Variants in ZFAND3 observed in about 807,000 individuals in gnomAD.
ZFAND3 encodes zinc finger AN1-type containing 3.
ZFAND3 carries 10 observed loss-of-function variants against 29.6 expected under a neutral mutation model. The ratio of observed to expected loss-of-function variants is 0.34; its 90% CI spans 0.21 to 0.57. The LOEUF is 0.57. ZFAND3 is among the 20% of genes least tolerant of loss of function. The pLI, the probability that ZFAND3 is intolerant of heterozygous loss-of-function variation, is 0.86. For synonymous variants in ZFAND3, 128 were observed against 112.6 expected (o/e 1.14, Z -0.87); for missense variants, 230 against 304.5 (o/e 0.76, Z 1.82).
chr6:37,887,306 A>T lies in ZFAND3; in HGVS notation c.72-42653A>T, dbSNP rs1032551064. 4.6e-5 allele frequency among the ~76,000 whole-genome samples: 7 copies of T among 152,338 alleles called. No homozygotes were observed. In the East Asian group the frequency reaches 1.3e-3, roughly 29 times the overall value. ...AAGAAATGCATTTATTGTTCTTGGC[A>T]TATGTAAGAATTTGTATTAAATATG... On this transcript the variant is annotated intron_variant, in intron 1 of 5. Transcript: ENST00000287218.
intron 1 of ZFAND3, among the ~76,000 whole-genome samples, chr6:37,869,423 G>A (rs1764650533): frequency 6.6e-6 from 1 of 152,058 alleles, no homozygotes; most frequent in Admixed American, 6.5e-5. Context: ...CCCCCAAAGT[G>A]CTGGGATTAC....
At chr6:37,895,964 T>A (rs368039067) in intron 1 of ZFAND3, among the ~76,000 whole-genome samples, 1 of 152,214 alleles carries the variant, frequency 6.6e-6, no homozygotes, top group East Asian at 1.9e-4. Context: ...TTCTTACTGA[T>A]GGGAACACGC....
intron 1 of ZFAND3, among the ~76,000 whole-genome samples, chr6:37,869,509 G>A (rs1764652178): frequency 6.6e-6 from 1 of 150,442 alleles, no homozygotes; most frequent in East Asian, 1.9e-4. Context: ...TATCAAGTTT[G>A]TTAATTTTTT....
chr6:38,104,123 C>G (rs748444461), intron 4 of ZFAND3, among the ~76,000 whole-genome samples: 4 of 152,188 alleles, frequency 2.6e-5, no homozygotes, highest in Non-Finnish European at 4.4e-5. Flanking sequence ...GCTAGCCTGA[C>G]AGGTTCCACT....
intron 2 of ZFAND3, among the ~76,000 whole-genome samples, chr6:37,973,216 A>G (rs1050918121): frequency 3.3e-5 from 5 of 152,204 alleles, no homozygotes; most frequent in African/African-American, 1.2e-4. Flanking sequence ...CTTTGCAAGT[A>G]GTTAAATACA....
At chr6:37,866,804 T>G (rs1025597858) in intron 1 of ZFAND3, among the ~76,000 whole-genome samples, 51 of 152,330 alleles carry the variant, frequency 3.3e-4, no homozygotes, top group African/African-American at 1.0e-3. Flanking sequence ...CAGTGAGAGA[T>G]AGCTCTGTGG....
At chr6:37,824,777 T>C (rs1361238330) in intron 1 of ZFAND3, among the ~76,000 whole-genome samples, 3 of 152,190 alleles carry the variant, frequency 2.0e-5, no homozygotes, top group South Asian at 2.1e-4. Flanking sequence ...TTTAGGGAAA[T>C]AGATTTTGTT....
intron 2 of ZFAND3, among the ~76,000 whole-genome samples, chr6:38,027,251 C>T (rs1763468803): frequency 6.6e-6 from 1 of 152,208 alleles, no homozygotes; most frequent in Non-Finnish European, 1.5e-5. Context: ...AAATATTTCT[C>T]CCAAATATGA....
At chr6:37,953,166 T>A (rs1762027072) in intron 2 of ZFAND3, among the ~76,000 whole-genome samples, 1 of 152,082 alleles carries the variant, frequency 6.6e-6, no homozygotes, top group South Asian at 2.1e-4. Flanking sequence ...TCATTTTGGT[T>A]TTAGTTTTCT....
chr6:37,950,241 A>G (rs1452312818), intron 2 of ZFAND3, among the ~76,000 whole-genome samples: 1 of 131,192 alleles, frequency 7.6e-6, no homozygotes, highest in Non-Finnish European at 1.8e-5. Context: ...TAGGTTTTAC[A>G]TTTAAGTCTT....
chr6:37,934,115 T>G (rs1333107150), intron 2 of ZFAND3, among the ~76,000 whole-genome samples: 3 of 151,966 alleles, frequency 2.0e-5, no homozygotes, highest in Non-Finnish European at 4.4e-5. Context: ...CTTGAACTCC[T>G]GAGCTCAGGT....
chr6:37,949,246 T>C (rs911846877), intron 2 of ZFAND3, among the ~76,000 whole-genome samples: 2 of 152,216 alleles, frequency 1.3e-5, no homozygotes, highest in African/African-American at 4.8e-5. Context: ...GTTGGCCACA[T>C]ATTTGTCTTT....
intron 2 of ZFAND3, among the ~76,000 whole-genome samples, chr6:37,970,439 A>G (rs1164505569): frequency 6.6e-6 from 1 of 152,184 alleles, no homozygotes; most frequent in Non-Finnish European, 1.5e-5. Context: ...AGGCCAGAGG[A>G]GCCCATTCTA....
At chr6:38,033,380 G>A (rs908870740) in intron 2 of ZFAND3, among the ~76,000 whole-genome samples, 1 of 152,066 alleles carries the variant, frequency 6.6e-6, no homozygotes, top group African/African-American at 2.4e-5. Context: ...AAGTTGAAAT[G>A]TTTCTCTAGC....
intron 3 of ZFAND3, among the ~76,000 whole-genome samples, chr6:38,076,614 T>C (rs1162778129): frequency 1.3e-5 from 2 of 152,234 alleles, no homozygotes; most frequent in African/African-American, 4.8e-5. Flanking sequence ...CTCTGGGAGA[T>C]TAACACTTAG....
rs114141956 is a variant in ZFAND3, at chr6:38,076,095, C to A, written c.296-6297C>A. Among the ~76,000 whole-genome samples, 1,101 of 152,136 alleles carry A rather than the reference C, an allele frequency of 7.2e-3. 7 individuals carry two copies. Among genetic ancestry groups the A allele is most frequent in the Middle Eastern group, 0.017 (5 of 294 alleles). On this transcript the variant is annotated intron_variant, in intron 3 of 5. Coordinates refer to ENST00000287218, the MANE Select transcript of ZFAND3 (RefSeq NM_021943.3). ...AAATTGCTGCACCTACCCCATTTTTCAGCAGCTACCACCCCCTGATCAGTT... is the reference window on the plus strand; with the variant it reads ...AAATTGCTGCACCTACCCCATTTTTAAGCAGCTACCACCCCCTGATCAGTT...
At chr6:37,843,182 T>A (rs1037028987) in intron 1 of ZFAND3, among the ~76,000 whole-genome samples, 1 of 151,252 alleles carries the variant, frequency 6.6e-6, no homozygotes, top group African/African-American at 2.4e-5. Flanking sequence ...ATTCAGGTGA[T>A]TTTGTTTCTT....
rs1766304480 is a variant in ZFAND3 at position 38,154,308 on chromosome 6, T to C, written c.*1919T>C. The stretch of plus-strand genomic sequence containing the variant: ...TCTGCCTGCTGCGTGGAGGCAGCCA[T>C]GGGAAGGAGCCCAGGGGAGCTGGCC... On this transcript the variant is annotated 3_prime_UTR_variant, in exon 6 of 6. Coordinates refer to ENST00000287218, the MANE Select transcript of ZFAND3 (RefSeq NM_021943.3). 1.0e-6 allele frequency: 1 copy of C among 976,158 alleles called. No homozygotes were observed. The highest frequency in any genetic ancestry group is 1.2e-6 in the Non-Finnish European group (1 of 827,352). 60.5% of individuals were successfully genotyped at this position (976,158 alleles called of 1,614,324 possible). A position where few individuals can be genotyped will look rare whatever the true frequency, so the allele number is the denominator to read the frequency against.
rs1357395781 is a variant in ZFAND3, at chr6:38,119,506, CATAA to C, written c.529+2772_529+2775del. ...AACTGCTGACAAGAAATTCACATCT[CATAA>C]ATAATGCTTAAGAGCCATTGCTATA... On this transcript the variant is annotated intron_variant, in intron 5 of 5. Transcript: ENST00000287218. 2.6e-5 allele frequency among the ~76,000 whole-genome samples: 4 copies of C among 152,198 alleles called. No individual in the cohort carries two copies. In the East Asian group the frequency reaches 7.7e-4, roughly 29 times the overall value.
Sources: allele counts gnomAD v4.1 joint callset (sites outside exome capture counted in the v4.1 genomes callset), GRCh38; gene constraint gnomAD v4.1.1; transcripts MANE v1.5; gene names NCBI Gene and HGNC (gene_info 2026-07-23, HGNC 2026-07-21).